NEK4: variants seen among roughly 807,000 people sequenced by gnomAD.
The protein encoded by NEK4 is serine/threonine-protein kinase Nek4.
A neutral mutation model predicts 98.4 loss-of-function variants in NEK4; 86 were observed. The observed-to-expected ratio is 0.87, with a 90% CI of 0.73 to 1.05. NEK4 has a LOEUF of 1.05. Among genes scored for constraint, NEK4 ranks in the 50% least tolerant of loss-of-function variants. The pLI, the probability that NEK4 is intolerant of heterozygous loss-of-function variation, is 0.00. For missense variants in NEK4, 898 were observed against 950.3 expected, an observed-to-expected ratio of 0.94 and a Z score of 0.72; for synonymous variants, 328 against 342.2, an observed-to-expected ratio of 0.96 and a Z score of 0.46.
intron 15 of NEK4, among the ~76,000 whole-genome samples, chr3:52,729,705 G>A (rs1309550439): frequency 7.7e-6 from 1 of 129,874 alleles, no homozygotes; most frequent in Non-Finnish European, 1.6e-5. Flanking sequence ...AAGACTCTGT[G>A]TCTCAAAAAA....
intron 15 of NEK4, among the ~76,000 whole-genome samples, chr3:52,714,718 G>C (rs1210633299): frequency 6.6e-6 from 1 of 152,232 alleles, no homozygotes. Flanking sequence ...GGTGCCCCAA[G>C]GCAGAGCCAG....
intron 14 of NEK4, among the ~76,000 whole-genome samples, chr3:52,739,126 A>G (rs1416140384): frequency 6.6e-6 from 1 of 152,204 alleles, no homozygotes; most frequent in Non-Finnish European, 1.5e-5. Context: ...TAGGCCAGGC[A>G]TGGTGGCTCA....
chr3:52,757,384 C>T (rs1670432391), intron 6 of NEK4, among the ~76,000 whole-genome samples: 1 of 151,982 alleles, frequency 6.6e-6, no homozygotes, highest in Admixed American at 6.6e-5. Flanking sequence ...ATGGTGAAAT[C>T]CCATCTCTAC....
chr3:52,709,772 A>ATACAT lies in NEK4; in HGVS notation c.*2000_*2004dup, dbSNP rs1453783933. 6.6e-6 allele frequency: 1 copy of ATACAT among 151,950 alleles called. No individual in the cohort carries two copies. The highest frequency in any genetic ancestry group is 1.9e-4 in the East Asian group (1 of 5,198). 9.4% of individuals were successfully genotyped at this position (151,950 alleles called of 1,614,324 possible). ...CTAATAAAATACCTACTTTATACCA[A>ATACAT]TACATTAGAAAAATTAAGTAAAACT... On this transcript the variant is annotated 3_prime_UTR_variant, in exon 16 of 16. Transcript: ENST00000233027.
intron 13 of NEK4, among the ~76,000 whole-genome samples, chr3:52,741,088 T>A (rs2097385102): frequency 6.6e-6 from 1 of 151,586 alleles, no homozygotes; most frequent in Non-Finnish European, 1.5e-5. Flanking sequence ...TACAAAAAAC[T>A]AGCCGGGCAT....
At chr3:52,761,373 G>A (rs951468160) in intron 5 of NEK4, among the ~76,000 whole-genome samples, 3 of 152,196 alleles carry the variant, frequency 2.0e-5, no homozygotes, top group African/African-American at 7.2e-5. Context: ...CCGCTGCCCA[G>A]GTTCAAGTGA....
At position 52,770,731 on chromosome 3, in the gene NEK4, A is replaced by G. The variant is rs761660228; in HGVS notation, c.16T>C (p.Tyr6His). 2.5e-5 allele frequency: 39 copies of G among 1,571,572 alleles called. No homozygotes were observed. The highest frequency in any genetic ancestry group is 3.0e-5 in the Non-Finnish European group (35 of 1,159,594). Residue 6 changes from tyrosine (Y) to histidine (H), a missense_variant, in exon 1 of 16, where the codon TAC becomes CAC. By Grantham distance (83) the Tyr-to-His change is moderately conservative. Coordinates refer to ENST00000233027, the MANE Select transcript of NEK4 (RefSeq NM_003157.6). MPLAA[Y>H]CYLRVVGKGS... ...TTGCCCACGACCCGCAGGTAGCAGTAGGCGGCCAGGGGCATGTTCCCAGCG... is the reference window on the plus strand; with the variant it reads ...TTGCCCACGACCCGCAGGTAGCAGTGGGCGGCCAGGGGCATGTTCCCAGCG...
chr3:52,733,254 G>T lies in NEK4; in HGVS notation c.2433+4332C>A, dbSNP rs1207029313. 1.1e-5 allele frequency: 3 copies of T among 277,648 alleles called. No individual in the cohort carries two copies. The East Asian group carries it at 3.1e-4, about 29-fold the overall frequency. The allele number at this position is 277,648 out of a possible 1,614,324, so 17.2% of individuals were successfully genotyped here. A position where few individuals can be genotyped will look rare whatever the true frequency, so the allele number is the denominator to read the frequency against. On this transcript the variant is annotated intron_variant, in intron 15 of 15. Coordinates refer to ENST00000233027, the MANE Select transcript of NEK4 (RefSeq NM_003157.6). ...AATCCACACCTTGCAGATCACTGGAGAATTCATACTGGACAGAAGCCTTAC... is the reference window on the plus strand; with the variant it reads ...AATCCACACCTTGCAGATCACTGGATAATTCATACTGGACAGAAGCCTTAC...
chr3:52,727,052 A>G (rs948755100), intron 15 of NEK4, among the ~76,000 whole-genome samples: 4 of 143,558 alleles, frequency 2.8e-5, no homozygotes, highest in Non-Finnish European at 4.5e-5. Flanking sequence ...TTAGCTCACC[A>G]CAACCTCTGC....
At chr3:52,732,571 GGAAA>G in intron 15 of NEK4, 1 of 274,756 alleles carries the variant, frequency 3.6e-6, no homozygotes. Flanking sequence ...AAAGGAATCA[GGAAA>G]GACTCTTACT....
At chr3:52,713,870 T>C (rs1443697176) in intron 15 of NEK4, among the ~76,000 whole-genome samples, 1 of 149,710 alleles carries the variant, frequency 6.7e-6, no homozygotes, top group Non-Finnish European at 1.5e-5. Context: ...AAAGACATAA[T>C]TAAATATAAA....
chr3:52,769,488 C>T (rs766074606), intron 1 of NEK4, among the ~76,000 whole-genome samples: 4 of 152,210 alleles, frequency 2.6e-5, no homozygotes, highest in Non-Finnish European at 2.9e-5. Context: ...TTCTTCAACA[C>T]ATAGATAAAT....
intron 15 of NEK4, among the ~76,000 whole-genome samples, chr3:52,726,968 C>CT (rs35173917): frequency 0.4 from 50,146 of 124,090 alleles, 10,248 homozygotes; most frequent in South Asian, 0.65. Flanking sequence ...GCATCTAAAA[C>CT]TTTTTTTTTT....
At position 52,739,633 on chromosome 3, in the gene NEK4, T is replaced by C. The variant is rs1217524475; in HGVS notation, c.2095A>G (p.Lys699Glu). 1 of 1,607,530 alleles carries C rather than the reference T, an allele frequency of 6.2e-7. No individual in the cohort carries two copies. Among genetic ancestry groups the C allele is most frequent in the Non-Finnish European group, 8.5e-7 (1 of 1,176,128 alleles). ...DKSDGDYGEG[K>E]GQTNEINALV... ...GCATTAATTTCATTTGTCTGACCTT[T>C]CCTGGGGGAAAAAAATATCCCTTTG... is the stretch of plus-strand genomic sequence containing the variant. The change falls in exon 14 of 16, where the codon AAA becomes GAA. Residue 699 changes from lysine (K) to glutamate (E), a missense_variant and splice_region_variant. Physicochemically the swap from Lys to Glu is moderately conservative, Grantham distance 56. Transcript: ENST00000233027.
chr3:52,731,785 T>C (rs868788331), intron 15 of NEK4, among the ~76,000 whole-genome samples: 25 of 152,304 alleles, frequency 1.6e-4, no homozygotes, highest in African/African-American at 5.5e-4. Context: ...CCTCCGAAAG[T>C]ATGGTTTAGC....
chr3:52,748,304 G>A lies in NEK4; in HGVS notation c.1506+1388C>T, dbSNP rs187717043. 3.3e-5 allele frequency among the ~76,000 whole-genome samples: 5 copies of A among 152,190 alleles called. No individual in the cohort carries two copies. In the East Asian group the frequency reaches 9.7e-4, roughly 29 times the overall value. On this transcript the variant is annotated intron_variant, in intron 8 of 15. Transcript: ENST00000233027. ...TAAATTAAAAAGAAAATGAGAAGTT[G>A]TCTTTCTCAAAATGAATGTTTATTT...
intron 6 of NEK4, chr3:52,754,725 T>C (rs1175486033): frequency 4.1e-6 from 2 of 491,586 alleles, no homozygotes; most frequent in Non-Finnish European, 4.1e-6. Context: ...CCATGCACTT[T>C]CCTGCTGGAC....
rs527674682 is a variant in NEK4 at position 52,762,707 on chromosome 3, C to T, written c.821+763G>A. Among the ~76,000 whole-genome samples the T allele has an allele frequency of 3.3e-5, 5 of 152,242 alleles. No individual in the cohort carries two copies. In the South Asian group the frequency reaches 6.2e-4, roughly 19 times the overall value. On this transcript the variant is annotated intron_variant, in intron 5 of 15. Coordinates refer to ENST00000233027, the MANE Select transcript of NEK4 (RefSeq NM_003157.6). Reference sequence around the variant, plus strand: ...ACCAGCCTGGCCAACATGGGGAAACCCTGTCTCTACTAAAACTACAAAAAT... The same window carrying T: ...ACCAGCCTGGCCAACATGGGGAAACTCTGTCTCTACTAAAACTACAAAAAT...
intron 15 of NEK4, chr3:52,733,329 A>G (rs1334006910): frequency 5.6e-6 from 2 of 358,508 alleles, no homozygotes; most frequent in Non-Finnish European, 1.1e-5. Flanking sequence ...AACCTTGCAC[A>G]ACATCAAAGA....
Sources: allele counts gnomAD v4.1 joint callset (sites outside exome capture counted in the v4.1 genomes callset), GRCh38; gene constraint gnomAD v4.1.1; transcripts MANE v1.5; gene names NCBI Gene and HGNC (gene_info 2026-07-23, HGNC 2026-07-21).